Variants in PNP observed in about 807,000 individuals in gnomAD.
PNP encodes the protein HEL-S-156an.
In PNP, 18 loss-of-function variants were observed where a neutral mutation model predicts 26.8. That is an observed-to-expected ratio of 0.67 (90% CI 0.46 to 1.00). The LOEUF (loss-of-function observed/expected upper bound fraction) is 1.00, where lower values mean the gene tolerates loss of function less well. Ranked by LOEUF, PNP falls within the 50% of genes least tolerant of loss-of-function variation. PNP has a pLI of 0.00. For missense variants in PNP, 320 were observed against 362.9 expected, an observed-to-expected ratio of 0.88 and a Z score of 0.96; for synonymous variants, 116 against 124.8, an observed-to-expected ratio of 0.93 and a Z score of 0.47.
intron 1 of PNP, among the ~76,000 whole-genome samples, chr14:20,471,840 T>C (rs1881993676): frequency 1.3e-5 from 2 of 152,226 alleles, no homozygotes; most frequent in Middle Eastern, 3.2e-3. Context: ...AGGGGGATTT[T>C]ACTAGGTGGG....
rs1882076120 is a variant in PNP at position 20,475,177 on chromosome 14, G to A, written c.577G>A (p.Val193Met). 1 of 1,614,104 alleles carries A rather than the reference G, an allele frequency of 6.2e-7. No individual in the cohort carries two copies. Among genetic ancestry groups the A allele is most frequent in the African/African-American group, 1.3e-5 (1 of 74,934 alleles). The change falls in exon 5 of 6, where the codon GTG becomes ATG. Residue 193 changes from valine to methionine, a missense_variant. Transcript: ENST00000361505. ...ACGTGAGCTACAGGAAGGCACCTAT[G>A]TGATGGTGGCAGGCCCCAGCTTTGA... ...EQRELQEGTY[V>M]MVAGPSFETV...
chr14:20,475,609 C>T (rs763202484), intron 5 of PNP, among the ~76,000 whole-genome samples: 4 of 152,018 alleles, frequency 2.6e-5, no homozygotes, highest in African/African-American at 4.8e-5. Flanking sequence ...CTCAGCCTTC[C>T]GAGTAGCTGG....
intron 1 of PNP, among the ~76,000 whole-genome samples, chr14:20,472,068 T>C (rs1483859053): frequency 6.6e-6 from 1 of 152,168 alleles, no homozygotes; most frequent in African/African-American, 2.4e-5. Flanking sequence ...GAAACAGGCT[T>C]TATTAACTTT....
intron 4 of PNP, 26 bp downstream of exon 4, chr14:20,474,974 AG>A: frequency 6.2e-7 from 1 of 1,613,298 alleles, no homozygotes; most frequent in Non-Finnish European, 8.5e-7. Context: ...CGTTTTTTTT[AG>A]GTGGGTAGGA....
At position 20,475,202 on chromosome 14, in the gene PNP, A is replaced by G. The variant is rs1156496192; in HGVS notation, c.602A>G (p.Glu201Gly). 2 of 1,613,850 alleles carry G rather than the reference A, an allele frequency of 1.2e-6. No homozygotes were observed. The highest frequency in any genetic ancestry group is 1.3e-5 in the African/African-American group (1 of 74,890). Residue 201 changes from glutamate to glycine, a missense_variant, in exon 5 of 6, where the codon GAG becomes GGG. Glu to Gly is a moderately conservative substitution (Grantham distance 98). Transcript: ENST00000361505. ...TYVMVAGPSF[E>G]TVAECRVLQK... ...GTGATGGTGGCAGGCCCCAGCTTTGAGACTGTGGCAGAATGTCGTGTGCTG... is the reference window on the plus strand; with the variant it reads ...GTGATGGTGGCAGGCCCCAGCTTTGGGACTGTGGCAGAATGTCGTGTGCTG...
At chr14:20,475,771 G>T (rs983587760) in intron 5 of PNP, among the ~76,000 whole-genome samples, 1 of 152,046 alleles carries the variant, frequency 6.6e-6, no homozygotes, top group Non-Finnish European at 1.5e-5. Context: ...CAGGCGCGAC[G>T]CACTGTGCCT....
Position 20,476,468 on chromosome 14 carries a change from T to C in PNP, c.737T>C (p.Ile246Thr), listed in dbSNP as rs375159414. 2.5e-6 allele frequency: 4 copies of C among 1,614,074 alleles called. No homozygotes were observed. The highest frequency in any genetic ancestry group is 3.4e-6 in the Non-Finnish European group (4 of 1,180,026). ...TTCTCACTCATCACTAACAAGGTCATCATGGATTATGAAAGCCTGGAGAAG... is the reference window on the plus strand; with the variant it reads ...TTCTCACTCATCACTAACAAGGTCACCATGGATTATGAAAGCCTGGAGAAG... ...FGFSLITNKV[I>T]MDYESLEKAN... The change falls in exon 6 of 6, where the codon ATC becomes ACC. Residue 246 changes from isoleucine to threonine, a missense_variant. Transcript: ENST00000361505.
rs755425205 is a variant in PNP, at chr14:20,474,801, T to C, written c.314T>C (p.Leu105Pro). 3 of 1,614,240 alleles carry C rather than the reference T, an allele frequency of 1.9e-6. No homozygotes were observed. Among genetic ancestry groups the C allele is most frequent in the Non-Finnish European group, 2.5e-6 (3 of 1,180,034 alleles). ...KVTFPVRVFH[L>P]LGVDTLVVTN... is the part of the protein sequence containing the mutation. Reference sequence around the variant, plus strand: ...ACATTCCCAGTGAGGGTTTTCCACCTTCTGGGTGTGGACACCCTGGTAGTC... The same window carrying C: ...ACATTCCCAGTGAGGGTTTTCCACCCTCTGGGTGTGGACACCCTGGTAGTC... The change falls in exon 4 of 6, where the codon CTT becomes CCT. Residue 105 changes from leucine to proline, a missense_variant. Coordinates refer to ENST00000361505, the MANE Select transcript of PNP (RefSeq NM_000270.4).
At chr14:20,472,614 C>A in intron 2 of PNP, 137 bp downstream of exon 2, 1 of 849,704 alleles carries the variant, frequency 1.2e-6, no homozygotes, top group Non-Finnish European at 1.9e-6. Flanking sequence ...AGGAGAAAAG[C>A]CCACCATGAG....
Position 20,476,690 on chromosome 14 carries a change from C to T in PNP, c.*89C>T, listed in dbSNP as rs1882122269. On this transcript the variant is annotated 3_prime_UTR_variant, in exon 6 of 6. Transcript: ENST00000361505. ...CCTTGCTGGAGTCATGTGCCTCTGTCCTTAGGTTGTAGCAGAAAGGAAAAG... is the reference window on the plus strand; with the variant it reads ...CCTTGCTGGAGTCATGTGCCTCTGTTCTTAGGTTGTAGCAGAAAGGAAAAG... The T allele has an allele frequency of 4.9e-6, 5 of 1,014,258 alleles. No homozygotes were observed. The South Asian group carries it at 6.6e-5, about 13-fold the overall frequency. 62.8% of individuals were successfully genotyped at this position (1,014,258 alleles called of 1,614,324 possible). A position where few individuals can be genotyped will look rare whatever the true frequency, so the allele number is the denominator to read the frequency against.
At position 20,472,392 on chromosome 14, in the gene PNP, T is replaced by C; in HGVS notation, c.96T>C (p.Gly32=). Residue 32 remains glycine (G), a synonymous_variant, in exon 2 of 6, where the codon GGT becomes GGC. Transcript: ENST00000361505. The part of the protein sequence containing the change: ...KHRPQVAIIC[G]SGLGGLTDKL... ...GACCTCAAGTTGCAATAATCTGTGG[T>C]TCTGGATTAGGAGGTCTGACTGATA... 1 of 1,613,974 alleles carries C rather than the reference T, an allele frequency of 6.2e-7. No homozygotes were observed. Among genetic ancestry groups the C allele is most frequent in the African/African-American group, 1.3e-5 (1 of 75,036 alleles).
At chr14:20,474,368 A>G in intron 2 of PNP, 104 bp from the exon 3 acceptor site, 1 of 961,134 alleles carries the variant, frequency 1.0e-6, no homozygotes, top group Non-Finnish European at 1.6e-6. Flanking sequence ...CTTAATTACA[A>G]CCTAACATTT....
intron 2 of PNP, chr14:20,472,764 T>C (rs763936224): frequency 2.5e-6 from 1 of 404,816 alleles, no homozygotes; most frequent in Non-Finnish European, 4.5e-6. Flanking sequence ...TTATTTGGTT[T>C]ACGTAATTTC....
At chr14:20,475,855 A>G (rs992168001) in intron 5 of PNP, among the ~76,000 whole-genome samples, 4 of 152,228 alleles carry the variant, frequency 2.6e-5, no homozygotes, top group African/African-American at 9.6e-5. Flanking sequence ...TAGCTGGAAG[A>G]TGGAACTCTA....
chr14:20,469,631 G>A (rs1881942711), intron 1 of PNP, 96 bp downstream of exon 1: 4 of 1,487,550 alleles, frequency 2.7e-6, no homozygotes, highest in Non-Finnish European at 3.7e-6. Context: ...CTGGCGGAGG[G>A]AGCGAGCGCC....
In PNP at chr14:20,472,356, C is replaced by T. The variant is rs1049562; in HGVS notation, c.60C>T (p.His20=). The change falls in exon 2 of 6, where the codon CAC becomes CAT. Residue 20 remains histidine (H), a synonymous_variant. Transcript: ENST00000361505. ...YKNTAEWLLS[H]TKHRPQVAII... The stretch of plus-strand genomic sequence containing the variant: ...ACACTGCAGAATGGCTTCTGTCTCA[C>T]ACTAAGCACCGACCTCAAGTTGCAA... 275,878 of 1,612,038 alleles carry T rather than the reference C, an allele frequency of 0.17. 24,374 individuals are homozygous for T. Among genetic ancestry groups the T allele is most frequent in the African/African-American group, 0.22 (16,484 of 74,942 alleles).
intron 1 of PNP, among the ~76,000 whole-genome samples, chr14:20,471,281 C>T (rs1881982510): frequency 6.8e-6 from 1 of 147,710 alleles, no homozygotes; most frequent in African/African-American, 2.5e-5. Context: ...GATCTCCTGA[C>T]CTCGTGATCC....
intron 1 of PNP, among the ~76,000 whole-genome samples, chr14:20,471,249 A>C (rs539708769): frequency 3.5e-4 from 50 of 140,878 alleles, no homozygotes; most frequent in African/African-American, 1.1e-3. Context: ...CGGGGTTTCA[A>C]CATGTTAGCC....
In PNP at chr14:20,475,771, G is replaced by A. The variant is rs983587760; in HGVS notation, c.652+519G>A. Among the ~76,000 whole-genome samples the A allele has an allele frequency of 5.3e-5, 8 of 152,164 alleles. No homozygotes were observed. The East Asian group carries it at 1.5e-3, about 29-fold the overall frequency. On this transcript the variant is annotated intron_variant, in intron 5 of 5. Coordinates refer to ENST00000361505, the MANE Select transcript of PNP (RefSeq NM_000270.4). The stretch of plus-strand genomic sequence containing the variant: ...AAAGTGCTGGCATTACAGGCGCGAC[G>A]CACTGTGCCTGGCCAATGTGATGAC...
Sources: allele counts gnomAD v4.1 joint callset (sites outside exome capture counted in the v4.1 genomes callset), GRCh38; gene constraint gnomAD v4.1.1; transcripts MANE v1.5; gene names NCBI Gene and HGNC (gene_info 2026-07-23, HGNC 2026-07-21).